ISOC1: variants seen among roughly 807,000 people sequenced by gnomAD.
ISOC1 encodes isochorismatase domain containing 1, also known as isochorismatase domain-containing protein 1.
Under a neutral mutation model 30.0 loss-of-function variants are expected in ISOC1, and 33 were observed. The ratio of observed to expected loss-of-function variants is 1.10; its 90% CI spans 0.83 to 1.47. The LOEUF (loss-of-function observed/expected upper bound fraction) is 1.47, where lower values mean the gene tolerates loss of function less well. Among genes scored for constraint, ISOC1 ranks in the 40% most tolerant of loss-of-function variants. ISOC1 has a pLI of 0.00. For missense variants in ISOC1, 372 were observed against 388.0 expected (o/e 0.96, Z 0.35); for synonymous variants, 178 against 159.8 (o/e 1.11, Z -0.86).
At chr5:129,100,662 T>C (rs1470275306) in intron 1 of ISOC1, among the ~76,000 whole-genome samples, 1 of 152,150 alleles carries the variant, frequency 6.6e-6, no homozygotes, top group Admixed American at 6.5e-5. Flanking sequence ...ACTGGCGATA[T>C]TTTTTAATTA....
Position 129,105,168 on chromosome 5 carries a change from T to C in ISOC1, c.430-17T>C, listed in dbSNP as rs763374516. ...GTATATAGCTAATTGTTTTTGTGTTTGGTTATTTTTTTTCAGTTGCAAGGG... is the reference window on the plus strand; with the variant it reads ...GTATATAGCTAATTGTTTTTGTGTTCGGTTATTTTTTTTCAGTTGCAAGGG... On this transcript the variant is annotated splice_polypyrimidine_tract_variant and intron_variant, in intron 2 of 4. Transcript: ENST00000173527. The C allele has an allele frequency of 1.2e-5, 20 of 1,613,164 alleles. No individual in the cohort carries two copies. Among genetic ancestry groups the C allele is most frequent in the East Asian group, 2.2e-5 (1 of 44,858 alleles).
intron 1 of ISOC1, among the ~76,000 whole-genome samples, chr5:129,103,432 A>G (rs753400042): frequency 3.9e-5 from 6 of 152,196 alleles, no homozygotes; most frequent in Non-Finnish European, 7.4e-5. Context: ...TTGGAAAAGT[A>G]GGAAAACCCT....
Position 129,106,943 on chromosome 5 carries a change from T to G in ISOC1, c.634-3T>G. On this transcript the variant is annotated splice_polypyrimidine_tract_variant and splice_region_variant and intron_variant, in intron 3 of 4. Transcript: ENST00000173527. ...ACATATGATTCTTGTACTTTCCTAC[T>G]AGACTCATGTGTGCATCCAACAAAC... 6.2e-7 allele frequency: 1 copy of G among 1,603,884 alleles called. No individual in the cohort carries two copies.
intron 1 of ISOC1, among the ~76,000 whole-genome samples, chr5:129,103,174 G>T (rs372822867): frequency 2.0e-5 from 3 of 152,250 alleles, no homozygotes; most frequent in African/African-American, 7.2e-5. Flanking sequence ...TAAAAATGTA[G>T]ATATTGAGCC....
At position 129,113,004 on chromosome 5, in the gene ISOC1, C is replaced by A; in HGVS notation, c.*3C>A. ...CGGGTCTGCTTTCCAAAGTATAGGA[C>A]ATTTGAAGAACTGGTATGCTACTCA... On this transcript the variant is annotated 3_prime_UTR_variant, in exon 5 of 5. Coordinates refer to ENST00000173527, the MANE Select transcript of ISOC1 (RefSeq NM_016048.2). 1 of 1,609,468 alleles carries A rather than the reference C, an allele frequency of 6.2e-7. No homozygotes were observed. Among genetic ancestry groups the A allele is most frequent in the Non-Finnish European group, 8.5e-7 (1 of 1,177,706 alleles).
Position 129,094,919 on chromosome 5 carries a change from C to T in ISOC1, c.153C>T (p.Ile51=). ...ACGGGGCGGGCTACGAGCTGCTCAT[C>T]CAGAAGTTCCTCAGCCTGTACGGCG... ...VPHGAGYELL[I]QKFLSLYGDQ... Residue 51 remains isoleucine (I), a synonymous_variant, in exon 1 of 5, where the codon ATC becomes ATT. Coordinates refer to ENST00000173527, the MANE Select transcript of ISOC1 (RefSeq NM_016048.2). 1 of 1,612,294 alleles carries T rather than the reference C, an allele frequency of 6.2e-7. No homozygotes were observed. The highest frequency in any genetic ancestry group is 1.1e-5 in the South Asian group (1 of 90,870).
intron 1 of ISOC1, among the ~76,000 whole-genome samples, chr5:129,097,183 T>C (rs1213840441): frequency 6.6e-6 from 1 of 152,216 alleles, no homozygotes; most frequent in Non-Finnish European, 1.5e-5. Flanking sequence ...TTTATATAGC[T>C]TTATATTTTT....
intron 1 of ISOC1, among the ~76,000 whole-genome samples, chr5:129,098,443 A>G (rs999594689): frequency 6.6e-6 from 1 of 152,194 alleles, no homozygotes; most frequent in Non-Finnish European, 1.5e-5. Context: ...TGAGAGGATT[A>G]TGTAGTGGGG....
At position 129,095,080 on chromosome 5, in the gene ISOC1, G is replaced by A. The variant is rs1269585549; in HGVS notation, c.309+5G>A. On this transcript the variant is annotated splice_donor_5th_base_variant and intron_variant, in intron 1 of 4. Transcript: ENST00000173527. ...CTCGTGCCGTTGCAGATCCAGGTGG[G>A]TCCTGCGGGAGGCCGCGCGCTTCCC... 6.5e-7 allele frequency: 1 copy of A among 1,549,666 alleles called. No homozygotes were observed. The highest frequency in any genetic ancestry group is 8.7e-7 in the Non-Finnish European group (1 of 1,152,376).
At chr5:129,104,275 A>G (rs1753607012) in intron 1 of ISOC1, among the ~76,000 whole-genome samples, 1 of 152,128 alleles carries the variant, frequency 6.6e-6, no homozygotes, top group Non-Finnish European at 1.5e-5. Context: ...TGTCTTGATG[A>G]TAGCAGTAAT....
rs549142646 is a variant in ISOC1 at position 129,110,588 on chromosome 5, G to T, written c.751-2267G>T. ...TTCAATCTTGAAGCAAAGTGATAGTGTATGGGTGTCACTTTCCTAAAATGT... is the reference window on the plus strand; with the variant it reads ...TTCAATCTTGAAGCAAAGTGATAGTTTATGGGTGTCACTTTCCTAAAATGT... On this transcript the variant is annotated intron_variant, in intron 4 of 4. Coordinates refer to ENST00000173527, the MANE Select transcript of ISOC1 (RefSeq NM_016048.2). Among the ~76,000 whole-genome samples the T allele has an allele frequency of 3.9e-5, 6 of 152,298 alleles. No individual in the cohort carries two copies. The South Asian group carries it at 1.0e-3, about 26-fold the overall frequency.
intron 1 of ISOC1, among the ~76,000 whole-genome samples, chr5:129,101,192 A>AAAAAAAAAATAT (rs1554064627): frequency 7.1e-5 from 3 of 42,234 alleles, no homozygotes; most frequent in South Asian, 8.6e-4. Context: ...AAAAAAAAAA[A>AAAAAAAAAATAT]ATATATATAT....
intron 1 of ISOC1, among the ~76,000 whole-genome samples, chr5:129,100,382 C>T (rs1279607722): frequency 6.6e-6 from 1 of 151,936 alleles, no homozygotes; most frequent in African/African-American, 2.4e-5. Flanking sequence ...CTTGAGGAAG[C>T]CATTGGCTAT....
chr5:129,100,590 C>T (rs1753558637), intron 1 of ISOC1, among the ~76,000 whole-genome samples: 4 of 152,032 alleles, frequency 2.6e-5, no homozygotes, highest in African/African-American at 7.2e-5. Flanking sequence ...TGGTCCAGTC[C>T]ACTTTTAATT....
intron 1 of ISOC1, among the ~76,000 whole-genome samples, chr5:129,098,319 C>T (rs2312251): frequency 0.71 from 107,297 of 152,048 alleles, 39,064 homozygotes; most frequent in African/African-American, 0.88. Context: ...CAATGTCTGC[C>T]GACAGCTCAG....
chr5:129,095,007 G>A lies in ISOC1; in HGVS notation c.241G>A (p.Val81Met). 1 of 1,607,042 alleles carries A rather than the reference G, an allele frequency of 6.2e-7. No individual in the cohort carries two copies. ...QLFAEEWGQY[V>M]DLPKGFAVSE... ...GTTCGCCGAGGAGTGGGGCCAGTAC[G>A]TGGACTTGCCCAAGGGCTTCGCGGT... Residue 81 changes from valine to methionine, a missense_variant, in exon 1 of 5, where the codon GTG (valine) becomes ATG (methionine). Coordinates refer to ENST00000173527, the MANE Select transcript of ISOC1 (RefSeq NM_016048.2).
rs1250518180 is a variant in ISOC1, at chr5:129,097,299, G to A, written c.309+2224G>A. 2.0e-5 allele frequency among the ~76,000 whole-genome samples: 3 copies of A among 151,998 alleles called. No homozygotes were observed. In the East Asian group the frequency reaches 5.8e-4, roughly 29 times the overall value. ...TAGCTTAGAGGTAGATAAAGGAAGG[G>A]GATAGATACATAAATATGCACACAC... is the stretch of plus-strand genomic sequence containing the variant. On this transcript the variant is annotated intron_variant, in intron 1 of 4. Coordinates refer to ENST00000173527, the MANE Select transcript of ISOC1 (RefSeq NM_016048.2).
At chr5:129,099,814 T>C (rs2150170386) in intron 1 of ISOC1, among the ~76,000 whole-genome samples, 1 of 152,336 alleles carries the variant, frequency 6.6e-6, no homozygotes, top group Non-Finnish European at 1.5e-5. Flanking sequence ...TGATTGATTA[T>C]ATGAAGCCCA....
At chr5:129,102,808 C>T (rs1037581739) in intron 1 of ISOC1, among the ~76,000 whole-genome samples, 6 of 152,280 alleles carry the variant, frequency 3.9e-5, no homozygotes, top group African/African-American at 1.2e-4. Context: ...CCAGCAGTTT[C>T]CTTTCTGATT....
Sources: gnomAD v4.1 joint callset for allele counts (sites outside exome capture counted in the v4.1 genomes callset) on GRCh38, gnomAD v4.1.1 for gene constraint, MANE v1.5 for transcripts, NCBI Gene and HGNC (gene_info 2026-07-23, HGNC 2026-07-21) for gene names.